Variants in LINGO2 observed in about 807,000 individuals in gnomAD.
The protein encoded by LINGO2 is leucine-rich repeat and immunoglobulin-like domain-containing nogo receptor-interacting protein 2.
A neutral mutation model predicts 30.6 loss-of-function variants in LINGO2; 14 were observed. The ratio of observed to expected loss-of-function variants is 0.46; its 90% CI spans 0.30 to 0.72. The LOEUF (loss-of-function observed/expected upper bound fraction) is 0.72. Among genes scored for constraint, LINGO2 ranks in the 30% least tolerant of loss-of-function variants. The probability of loss-of-function intolerance (pLI) is 0.07; values close to 1 mark genes in which losing one functional copy is unlikely to be tolerated. For synonymous variants in LINGO2, 317 were observed against 288.5 expected (o/e 1.10, Z -1.00); for missense variants, 729 against 751.7 (o/e 0.97, Z 0.35).
chr9:28,996,311 G>C, the LINGO2 span, among the ~76,000 whole-genome samples: 2 of 152,070 alleles, frequency 1.3e-5, no homozygotes, highest in Non-Finnish European at 2.9e-5. Context: ...GTCACTGTGG[G>C]CTGAGGATAC....
chr9:28,791,359 TCATTC>T, the LINGO2 span, among the ~76,000 whole-genome samples: 1 of 152,080 alleles, frequency 6.6e-6, no homozygotes, highest in Non-Finnish European at 1.5e-5. Context: ...CTCTGTGTAT[TCATTC>T]TGTGCTAGAC....
At chr9:28,632,683 A>ATATATTTATATAGATCT (rs1563878389) in intron 1 of LINGO2, among the ~76,000 whole-genome samples, 1 of 105,448 alleles carries the variant, frequency 9.5e-6, no homozygotes, top group Non-Finnish European at 2.0e-5. Flanking sequence ...TCTATATAAA[A>ATATATTTATATAGATCT]ATATATTTAT....
chr9:28,782,726 C>T, the LINGO2 span, among the ~76,000 whole-genome samples: 1 of 152,280 alleles, frequency 6.6e-6, no homozygotes, highest in African/African-American at 2.4e-5. Context: ...TGGGAATTAA[C>T]TTAGAGTAGT....
chr9:28,192,785 A>G (rs977484782), intron 4 of LINGO2, among the ~76,000 whole-genome samples: 3 of 152,184 alleles, frequency 2.0e-5, no homozygotes, highest in Admixed American at 2.0e-4. Flanking sequence ...TCTTTGACAC[A>G]GTACTATATG....
rs569701444 is a variant in LINGO2 at position 28,430,109 on chromosome 9, C to CGCGCGCGTGTGT, written c.-279+45830_-279+45831insACACACGCGCGC. 8.2e-3 allele frequency among the ~76,000 whole-genome samples: 1,122 copies of CGCGCGCGTGTGT among 136,166 alleles called. 3 individuals carry two copies. The highest frequency in any genetic ancestry group is 0.016 in the South Asian group (72 of 4,492). The allele number at this position is 136,166 out of a possible 152,430, so 89.3% of individuals were successfully genotyped here. On this transcript the variant is annotated intron_variant, in intron 2 of 5. Coordinates refer to ENST00000379992, the Ensembl canonical transcript of LINGO2. ...AGGCTGATTTCCACGCGCGCGCGCG[C>CGCGCGCGTGTGT]GTGTGTGTGTGTGTGTGTGTGATTC... is the stretch of plus-strand genomic sequence containing the variant.
chr9:28,999,801 A>G, the LINGO2 span, among the ~76,000 whole-genome samples: 19 of 152,054 alleles, frequency 1.2e-4, no homozygotes, highest in Admixed American at 1.0e-3. Flanking sequence ...AGAAAAAGAA[A>G]TTCTCAGTAG....
At chr9:29,047,631 C>T in the LINGO2 span, among the ~76,000 whole-genome samples, 1 of 151,630 alleles carries the variant, frequency 6.6e-6, no homozygotes, top group Non-Finnish European at 1.5e-5. Flanking sequence ...AGCAGTAAGG[C>T]AAGAGAATGA....
At chr9:28,954,371 T>C in the LINGO2 span, among the ~76,000 whole-genome samples, 11 of 152,178 alleles carry the variant, frequency 7.2e-5, no homozygotes, top group Admixed American at 7.2e-4. Context: ...ATACTTCACA[T>C]TTCATCACAA....
At chr9:28,947,605 T>A in the LINGO2 span, among the ~76,000 whole-genome samples, 3 of 152,018 alleles carry the variant, frequency 2.0e-5, no homozygotes, top group Non-Finnish European at 4.4e-5. Context: ...GACTTTTTGT[T>A]GAATCTCAAA....
At chr9:28,668,815 T>C (rs866718587) in intron 1 of LINGO2, among the ~76,000 whole-genome samples, 26 of 152,260 alleles carry the variant, frequency 1.7e-4, no homozygotes, top group South Asian at 1.7e-3. Context: ...TTCTTTTTGA[T>C]TGGAAGAGCC....
At chr9:28,662,851 G>C (rs1267456870) in intron 1 of LINGO2, among the ~76,000 whole-genome samples, 1 of 152,070 alleles carries the variant, frequency 6.6e-6, no homozygotes, top group African/African-American at 2.4e-5. Flanking sequence ...TTAAACTTCT[G>C]ACCATTCAGC....
chr9:28,822,854 G>GA, the LINGO2 span, among the ~76,000 whole-genome samples: 1 of 152,034 alleles, frequency 6.6e-6, no homozygotes, highest in Non-Finnish European at 1.5e-5. Context: ...AATACATACT[G>GA]AAAAAATTAA....
At chr9:28,516,745 A>G (rs1291232875) in intron 1 of LINGO2, among the ~76,000 whole-genome samples, 2 of 152,226 alleles carry the variant, frequency 1.3e-5, no homozygotes, top group Non-Finnish European at 2.9e-5. Flanking sequence ...GTTACTGAAG[A>G]ACACTCTATC....
the LINGO2 span, among the ~76,000 whole-genome samples, chr9:28,919,051 C>G: frequency 6.6e-6 from 1 of 152,112 alleles, no homozygotes; most frequent in Non-Finnish European, 1.5e-5. Context: ...AATTACTTAA[C>G]TAATACTTCA....
At chr9:29,075,193 TA>T in the LINGO2 span, among the ~76,000 whole-genome samples, 1 of 152,168 alleles carries the variant, frequency 6.6e-6, no homozygotes, top group African/African-American at 2.4e-5. Context: ...TATTCAAATT[TA>T]ACAACATTAA....
At chr9:28,728,864 G>T in the LINGO2 span, among the ~76,000 whole-genome samples, 1 of 152,218 alleles carries the variant, frequency 6.6e-6, no homozygotes, top group African/African-American at 2.4e-5. Flanking sequence ...TGCCAAGAAC[G>T]TCTGGACCTG....
chr9:27,996,062 A>C (rs1300642824), intron 5 of LINGO2, among the ~76,000 whole-genome samples: 1 of 152,186 alleles, frequency 6.6e-6, no homozygotes, highest in Non-Finnish European at 1.5e-5. Flanking sequence ...CTCATCTGGG[A>C]AATACAAATC....
At chr9:28,427,952 A>G (rs190928198) in intron 2 of LINGO2, among the ~76,000 whole-genome samples, 194 of 152,264 alleles carry the variant, frequency 1.3e-3, no homozygotes, top group African/African-American at 4.6e-3. Flanking sequence ...ATCAAATTAC[A>G]TTCTAGATCT....
chr9:28,910,690 T>C, the LINGO2 span, among the ~76,000 whole-genome samples: 1 of 152,068 alleles, frequency 6.6e-6, no homozygotes, highest in East Asian at 1.9e-4. Flanking sequence ...ACCATGATAG[T>C]AAGTTTCTTG....
Sources: allele counts gnomAD v4.1 joint callset (sites outside exome capture counted in the v4.1 genomes callset), GRCh38; gene constraint gnomAD v4.1.1; transcripts MANE v1.5; gene names NCBI Gene and HGNC (gene_info 2026-07-23, HGNC 2026-07-21).